Variants in ZSWIM6 observed in about 807,000 individuals in gnomAD.
The protein encoded by ZSWIM6 is zinc finger SWIM domain-containing protein 6.
Under a neutral mutation model 113.2 loss-of-function variants are expected in ZSWIM6, and 9 were observed. The observed-to-expected ratio is 0.08, with a 90% CI of 0.05 to 0.14. ZSWIM6 has a LOEUF of 0.14. Ranked by LOEUF, ZSWIM6 falls within the 10% of genes least tolerant of loss-of-function variation. The pLI is 1.00. For missense variants in ZSWIM6, 1,162 were observed against 1,552.2 expected (o/e 0.75, Z 4.22); for synonymous variants, 611 against 606.5 (o/e 1.01, Z -0.11).
chr5:61,512,614 A>G (rs77430347), intron 4 of ZSWIM6, among the ~76,000 whole-genome samples: 9,774 of 152,192 alleles, frequency 0.064, 1,047 homozygotes, highest in African/African-American at 0.22. Context: ...GTTGCTCCAC[A>G]TCCTTGCCTG....
At chr5:61,333,496 C>T (rs966564485) in intron 1 of ZSWIM6, among the ~76,000 whole-genome samples, 1 of 151,998 alleles carries the variant, frequency 6.6e-6, no homozygotes, top group East Asian at 1.9e-4. Flanking sequence ...CTTAAAGCCG[C>T]TCGGCCGCCG....
At chr5:61,400,704 G>GA (rs1745926737) in intron 1 of ZSWIM6, among the ~76,000 whole-genome samples, 1 of 152,124 alleles carries the variant, frequency 6.6e-6, no homozygotes. Flanking sequence ...GAATCCTTCT[G>GA]AACCTTTCAT....
intron 10 of ZSWIM6, among the ~76,000 whole-genome samples, chr5:61,537,816 C>G (rs949158884): frequency 5.3e-5 from 8 of 152,156 alleles, no homozygotes; most frequent in Non-Finnish European, 8.8e-5. Context: ...TGACTGAAGG[C>G]CGGCATTTTG....
At chr5:61,467,399 C>T (rs1747458833) in intron 1 of ZSWIM6, among the ~76,000 whole-genome samples, 2 of 152,106 alleles carry the variant, frequency 1.3e-5, no homozygotes, top group Non-Finnish European at 1.5e-5. Context: ...ACTTTGCTGT[C>T]TGTCTCTGTA....
At chr5:61,431,949 TAAA>T (rs1393144572) in intron 1 of ZSWIM6, among the ~76,000 whole-genome samples, 1 of 152,238 alleles carries the variant, frequency 6.6e-6, no homozygotes, top group East Asian at 1.9e-4. Flanking sequence ...GGGACTGGGC[TAAA>T]ACTGTAGTGG....
At position 61,531,637 on chromosome 5, in the gene ZSWIM6, G is replaced by A. The variant is rs1221281199; in HGVS notation, c.2157G>A (p.Glu719=). ...CACAAGAGAAAGTTTGCCGGAATGAGGAGCAGCTCATTTCTAAGCTTCAGG... is the reference window on the plus strand; with the variant it reads ...CACAAGAGAAAGTTTGCCGGAATGAAGAGCAGCTCATTTCTAAGCTTCAGG... ...LYTQEKVCRN[E]EQLISKLQEI... The change falls in exon 9 of 14, where the codon GAG becomes GAA. Residue 719 remains glutamate, a synonymous_variant. Coordinates refer to ENST00000252744, the MANE Select transcript of ZSWIM6 (RefSeq NM_020928.2). 1.3e-6 allele frequency: 2 copies of A among 1,551,704 alleles called. No homozygotes were observed. Among genetic ancestry groups the A allele is most frequent in the Non-Finnish European group, 1.7e-6 (2 of 1,146,984 alleles).
intron 4 of ZSWIM6, among the ~76,000 whole-genome samples, chr5:61,497,226 T>A (rs1748344021): frequency 6.6e-6 from 1 of 152,180 alleles, no homozygotes; most frequent in Admixed American, 6.6e-5. Flanking sequence ...GCCATCAGAT[T>A]GTCAGCCAGA....
intron 1 of ZSWIM6, among the ~76,000 whole-genome samples, chr5:61,365,870 T>TA (rs1305260806): frequency 2.0e-5 from 3 of 152,188 alleles, no homozygotes; most frequent in Non-Finnish European, 4.4e-5. Flanking sequence ...CCCAATACCT[T>TA]AGTTCCTCTT....
In ZSWIM6 at chr5:61,532,266, A is replaced by C. The variant is rs111567197; in HGVS notation, c.2245+541A>C. On this transcript the variant is annotated intron_variant, in intron 9 of 13. Coordinates refer to ENST00000252744, the MANE Select transcript of ZSWIM6 (RefSeq NM_020928.2). Reference sequence around the variant, plus strand: ...AGGATTCATTAGGCACAGATTCATCAAGGAAAAGGTTTCATAGAATCTGAG... The same window carrying C: ...AGGATTCATTAGGCACAGATTCATCCAGGAAAAGGTTTCATAGAATCTGAG... 2.7e-4 allele frequency among the ~76,000 whole-genome samples: 41 copies of C among 152,312 alleles called. 2 individuals are homozygous for C. Among genetic ancestry groups the C allele is most frequent in the African/African-American group, 9.9e-4 (41 of 41,562 alleles).
chr5:61,415,778 A>C (rs1746240077), intron 1 of ZSWIM6, among the ~76,000 whole-genome samples: 1 of 152,166 alleles, frequency 6.6e-6, no homozygotes, highest in African/African-American at 2.4e-5. Context: ...CTGCTGGATG[A>C]GCTCAAGTTA....
At chr5:61,522,549 C>T (rs1230842042) in intron 5 of ZSWIM6, among the ~76,000 whole-genome samples, 3 of 152,156 alleles carry the variant, frequency 2.0e-5, no homozygotes, top group Non-Finnish European at 2.9e-5. Flanking sequence ...TCCATAGGGA[C>T]TTTTCCAATC....
chr5:61,431,462 C>T (rs565236312), intron 1 of ZSWIM6, among the ~76,000 whole-genome samples: 3 of 146,992 alleles, frequency 2.0e-5, no homozygotes, highest in Admixed American at 6.8e-5. Context: ...AGTTTGACTA[C>T]TGGCTGGGCG....
chr5:61,426,634 A>T (rs1746467860), intron 1 of ZSWIM6, among the ~76,000 whole-genome samples: 1 of 151,888 alleles, frequency 6.6e-6, no homozygotes, highest in African/African-American at 2.4e-5. Flanking sequence ...CAGTAACAGG[A>T]TCCATTCTAG....
intron 10 of ZSWIM6, among the ~76,000 whole-genome samples, chr5:61,536,243 C>T (rs925231551): frequency 6.6e-6 from 1 of 152,180 alleles, no homozygotes; most frequent in Non-Finnish European, 1.5e-5. Context: ...TTGTTCTCTA[C>T]CACCCACCTT....
intron 1 of ZSWIM6, among the ~76,000 whole-genome samples, chr5:61,458,638 G>A (rs1329053420): frequency 6.6e-6 from 1 of 152,146 alleles, no homozygotes; most frequent in Non-Finnish European, 1.5e-5. Context: ...AGCACTTTGG[G>A]AGGCTGAGGC....
At chr5:61,493,353 T>C (rs1177267264) in intron 3 of ZSWIM6, among the ~76,000 whole-genome samples, 1 of 152,124 alleles carries the variant, frequency 6.6e-6, no homozygotes, top group Non-Finnish European at 1.5e-5. Context: ...ATCTCAAAAA[T>C]TGAAGGACTT....
chr5:61,507,794 A>G (rs768483136), intron 4 of ZSWIM6, among the ~76,000 whole-genome samples: 2 of 152,212 alleles, frequency 1.3e-5, no homozygotes, highest in Non-Finnish European at 2.9e-5. Context: ...AGGATACTTC[A>G]TAATTTCAGA....
Position 61,332,506 on chromosome 5 carries a change from G to A in ZSWIM6, c.234G>A (p.Leu78=), listed in dbSNP as rs1744274906. ...AGACCCAGAGCCCCGAGTCGCTGCT[G>A]GACATCGCGGCGCGCAGGGTGGCGG... ...PGKTQSPESL[L]DIAARRVAEK... Residue 78 remains leucine, a synonymous_variant, in exon 1 of 14, where the codon CTG becomes CTA. Coordinates refer to ENST00000252744, the MANE Select transcript of ZSWIM6 (RefSeq NM_020928.2). The A allele has an allele frequency of 7.6e-7, 1 of 1,309,848 alleles. No homozygotes were observed. Among genetic ancestry groups the A allele is most frequent in the Non-Finnish European group, 1.0e-6 (1 of 1,000,598 alleles). 81.1% of individuals were successfully genotyped at this position (1,309,848 alleles called of 1,614,324 possible).
chr5:61,487,381 C>CT lies in ZSWIM6; in HGVS notation c.1034-3398dup, dbSNP rs925611993. Among the ~76,000 whole-genome samples, 45 of 151,714 alleles carry CT rather than the reference C, an allele frequency of 3.0e-4. 2 individuals carry two copies. Among genetic ancestry groups the CT allele is most frequent in the South Asian group, 2.1e-4 (1 of 4,816 alleles). ...TTGGATTGCTTTGGCTATTTGGCCT[C>CT]TTTTTTTGGTTCCATATGAATTTTA... On this transcript the variant is annotated intron_variant, in intron 2 of 13. Transcript: ENST00000252744.
Sources: gnomAD v4.1 joint callset for allele counts (sites outside exome capture counted in the v4.1 genomes callset) on GRCh38, gnomAD v4.1.1 for gene constraint, MANE v1.5 for transcripts, NCBI Gene and HGNC (gene_info 2026-07-23, HGNC 2026-07-21) for gene names.